NKIRAS1: variants seen among roughly 807,000 people sequenced by gnomAD.
NKIRAS1 encodes NFKB inhibitor interacting Ras like 1.
A neutral mutation model predicts 19.8 loss-of-function variants in NKIRAS1; 16 were observed. The observed-to-expected ratio is 0.81, with a 90% CI of 0.55 to 1.23. The LOEUF (loss-of-function observed/expected upper bound fraction) is 1.23. Among genes scored for constraint, NKIRAS1 ranks in the 50% most tolerant of loss-of-function variants. The pLI is 0.00. For synonymous variants in NKIRAS1, 88 were observed against 79.0 expected (o/e 1.11, Z -0.61); for missense variants, 184 against 220.0 (o/e 0.84, Z 1.04).
At chr3:23,918,143 G>C, upstream of NKIRAS1, 1 of 1,332,420 alleles carries the variant, frequency 7.5e-7, no homozygotes, top group Non-Finnish European at 1.0e-6. Context: ...TAGGGCTTTG[G>C]CAGAAAAAAG....
Position 23,890,190 on chromosome 3 carries a change from C to CCGTT in NKIRAS1, c.*2901_*2904dup. On this transcript the variant is annotated 3_prime_UTR_variant, in exon 5 of 5. Coordinates refer to ENST00000425478, the MANE Select transcript of NKIRAS1 (RefSeq NM_020345.4). ...TGTTCATTGCAGTCTGAAGCCTTGA[C>CCGTT]CGTTCCAGTCTCTACTGAACTCAGC... Among the ~76,000 whole-genome samples, 1 of 152,260 alleles carries CCGTT rather than the reference C, an allele frequency of 6.6e-6. No homozygotes were observed. Among genetic ancestry groups the CCGTT allele is most frequent in the Middle Eastern group, 3.4e-3 (1 of 294 alleles).
At chr3:23,914,708 T>C (rs896195521) in intron 1 of NKIRAS1, among the ~76,000 whole-genome samples, 3 of 152,106 alleles carry the variant, frequency 2.0e-5, no homozygotes, top group South Asian at 2.1e-4. Flanking sequence ...CAAAATCAAC[T>C]GGAAACACAA....
rs546699950 is a variant in NKIRAS1, at chr3:23,933,882, C to A, written c.-140+12441G>T. Among the ~76,000 whole-genome samples, 3 of 152,274 alleles carry A rather than the reference C, an allele frequency of 2.0e-5. No homozygotes were observed. In the South Asian group the frequency reaches 6.2e-4, roughly 32 times the overall value. ...TGGTAAAGGGCCCAGTCTCTGCTTCCAAGATGGCGCCTTGGCTGCTGCATT... is the reference window on the plus strand; with the variant it reads ...TGGTAAAGGGCCCAGTCTCTGCTTCAAAGATGGCGCCTTGGCTGCTGCATT... On this transcript the variant is annotated intron_variant, in intron 1 of 4. Transcript: ENST00000421515.
At chr3:23,918,955 G>GC, upstream of NKIRAS1, 2 of 558,376 alleles carry the variant, frequency 3.6e-6, no homozygotes, top group Non-Finnish European at 3.1e-6. Context: ...ACATATTCCT[G>GC]CCCTAGTCAG....
In NKIRAS1 at chr3:23,891,799, C is replaced by G. The variant is rs1055709138; in HGVS notation, c.*1296G>C. On this transcript the variant is annotated 3_prime_UTR_variant, in exon 5 of 5. Coordinates refer to ENST00000425478, the MANE Select transcript of NKIRAS1 (RefSeq NM_020345.4). ...TTGCATTAGTAGGAAACAAAGCAAA[C>G]TGGAAGGTACTTATTTAAAAATCAT... 1.3e-5 allele frequency: 2 copies of G among 152,138 alleles called. No individual in the cohort carries two copies. Among genetic ancestry groups the G allele is most frequent in the African/African-American group, 4.8e-5 (2 of 41,414 alleles). 9.4% of individuals were successfully genotyped at this position (152,138 alleles called of 1,614,324 possible).
intron 1 of NKIRAS1, among the ~76,000 whole-genome samples, chr3:23,913,411 G>C (rs529774880): frequency 6.6e-6 from 1 of 152,166 alleles, no homozygotes; most frequent in African/African-American, 2.4e-5. Flanking sequence ...ATTAATCAAA[G>C]CAGGCTGAAA....
chr3:23,919,870 G>C (rs1168727240), upstream of NKIRAS1: 2 of 1,002,142 alleles, frequency 2.0e-6, no homozygotes, highest in East Asian at 2.0e-4. Context: ...ATGCTCTGCT[G>C]GTTTATTTTC....
chr3:23,901,431 C>T (rs945400116), intron 3 of NKIRAS1, among the ~76,000 whole-genome samples: 1 of 152,138 alleles, frequency 6.6e-6, no homozygotes, highest in Non-Finnish European at 1.5e-5. Context: ...GCAATCTACC[C>T]ACTTTGGCCT....
upstream of NKIRAS1, chr3:23,921,692 G>A (rs9755750): frequency 0.32 from 210,526 of 658,514 alleles, 38,181 homozygotes; most frequent in African/African-American, 0.64. Context: ...CTTCTGCCTC[G>A]GCCTCCCAAA....
intron 3 of NKIRAS1, among the ~76,000 whole-genome samples, chr3:23,904,825 AG>A (rs1443372795): frequency 1.3e-5 from 2 of 152,366 alleles, no homozygotes; most frequent in Non-Finnish European, 2.9e-5. Flanking sequence ...CATAATAGCC[AG>A]GATACATGTA....
upstream of NKIRAS1, chr3:23,919,739 T>C: frequency 7.6e-7 from 1 of 1,318,064 alleles, no homozygotes; most frequent in Non-Finnish European, 9.6e-7. Flanking sequence ...TGTCAGTGTA[T>C]AAAACATACT....
At chr3:23,914,333 C>T (rs1398774590) in intron 1 of NKIRAS1, among the ~76,000 whole-genome samples, 1 of 152,148 alleles carries the variant, frequency 6.6e-6, no homozygotes, top group Admixed American at 6.5e-5. Context: ...AAGTAAAACA[C>T]AACTTTCTGA....
intron 3 of NKIRAS1, among the ~76,000 whole-genome samples, chr3:23,902,957 AGGGGAATCT>A (rs1302147154): frequency 6.6e-6 from 1 of 152,214 alleles, no homozygotes; most frequent in Non-Finnish European, 1.5e-5. Context: ...ATCCCCATCC[AGGGGAATCT>A]GGAGAATCTG....
chr3:23,926,768 C>A lies in NKIRAS1; in HGVS notation c.-139-15318G>T, dbSNP rs147176048. ...CTTTTCTAAGAAAAAAGGTTTTGGT[C>A]GAAAAAGACCTTTAGTTTTCCATTT... On this transcript the variant is annotated intron_variant, in intron 1 of 4. Coordinates refer to the NKIRAS1 transcript ENST00000421515. This position sits in a 1 kb window ranked among gnomAD's most constrained non-coding sequence, Gnocchi z 4.3. Among the ~76,000 whole-genome samples the A allele has an allele frequency of 6.6e-6, 1 of 152,226 alleles. No homozygotes were observed. The highest frequency in any genetic ancestry group is 1.9e-4 in the East Asian group (1 of 5,190).
intron 4 of NKIRAS1, among the ~76,000 whole-genome samples, chr3:23,896,045 G>C (rs1303329838): frequency 7.2e-6 from 1 of 139,822 alleles, no homozygotes; most frequent in Admixed American, 7.7e-5. Context: ...TGAGGCAGGA[G>C]AATGGCATGA....
At position 23,891,584 on chromosome 3, in the gene NKIRAS1, A is replaced by AAGT. The variant is rs1206649425; in HGVS notation, c.*1508_*1510dup. 1 of 152,188 alleles carries AAGT rather than the reference A, an allele frequency of 6.6e-6. No homozygotes were observed. Among genetic ancestry groups the AAGT allele is most frequent in the Non-Finnish European group, 1.5e-5 (1 of 68,036 alleles). 9.4% of individuals were successfully genotyped at this position (152,188 alleles called of 1,614,324 possible). On this transcript the variant is annotated 3_prime_UTR_variant, in exon 5 of 5. Transcript: ENST00000425478. ...TCTGACTTGCAGATGCTGTAGTAGC[A>AAGT]AGTACATGAGAAATGGGTTCCGTCA... is the stretch of plus-strand genomic sequence containing the variant.
chr3:23,917,869 T>C, upstream of NKIRAS1: 3 of 1,609,194 alleles, frequency 1.9e-6, no homozygotes, highest in Non-Finnish European at 2.5e-6. Context: ...GATGGGTGCA[T>C]ACAAGTACAT....
chr3:23,914,213 A>G (rs548090551), intron 1 of NKIRAS1, among the ~76,000 whole-genome samples: 8 of 150,744 alleles, frequency 5.3e-5, no homozygotes, highest in Admixed American at 4.0e-4. Flanking sequence ...GACCTGGTCC[A>G]TTCCTGTGAA....
At chr3:23,908,748 C>T (rs1183317317) in intron 3 of NKIRAS1, among the ~76,000 whole-genome samples, 1 of 152,048 alleles carries the variant, frequency 6.6e-6, no homozygotes. Flanking sequence ...TGGCTCACTG[C>T]AGCCTCAACC....
Sources: allele counts gnomAD v4.1 joint callset (sites outside exome capture counted in the v4.1 genomes callset), GRCh38; gene constraint gnomAD v4.1.1; non-coding constraint Gnocchi (gnomAD v3.1); transcripts MANE v1.5; gene names NCBI Gene and HGNC (gene_info 2026-07-23, HGNC 2026-07-21).